Variants in CACNA1D observed in about 807,000 individuals in gnomAD.
CACNA1D encodes the protein voltage-dependent L-type calcium channel subunit alpha-1D.
Under a neutral mutation model 257.1 loss-of-function variants are expected in CACNA1D, and 55 were observed. The observed-to-expected ratio is 0.21, with a 90% confidence interval of 0.17 to 0.27. The LOEUF is 0.27. Among genes scored for constraint, CACNA1D ranks in the 10% least tolerant of loss-of-function variants. CACNA1D has a pLI of 1.00. For synonymous variants in CACNA1D, 980 were observed against 1,014.9 expected, an observed-to-expected ratio of 0.97 and a Z score of 0.65; for missense variants, 1,876 against 2,784.0, an observed-to-expected ratio of 0.67 and a Z score of 7.34.
At chr3:53,731,541 T>C (rs1255299168) in intron 17 of CACNA1D, among the ~76,000 whole-genome samples, 1 of 152,234 alleles carries the variant, frequency 6.6e-6, no homozygotes, top group Non-Finnish European at 1.5e-5. Flanking sequence ...CTCAGGGCTA[T>C]ACTGTAAAAC....
intron 44 of CACNA1D, among the ~76,000 whole-genome samples, chr3:53,804,407 C>A (rs2095551441): frequency 6.6e-6 from 1 of 152,216 alleles, no homozygotes; most frequent in South Asian, 2.1e-4. Flanking sequence ...TGCCCTCACT[C>A]CGTCTGCTGG....
chr3:53,681,610 G>A (rs572884072), intron 8 of CACNA1D, among the ~76,000 whole-genome samples: 4 of 152,226 alleles, frequency 2.6e-5, no homozygotes, highest in African/African-American at 9.6e-5. Context: ...CCAGGGTTAC[G>A]GTGGTGGGAT....
At chr3:53,777,972 A>C (rs767572874) in intron 37 of CACNA1D, among the ~76,000 whole-genome samples, 18 of 152,236 alleles carry the variant, frequency 1.2e-4, no homozygotes, top group Non-Finnish European at 2.1e-4. Flanking sequence ...CATGGATCCA[A>C]GGAGATCCTG....
intron 3 of CACNA1D, among the ~76,000 whole-genome samples, chr3:53,505,487 G>A (rs1365843779): frequency 6.6e-6 from 1 of 152,196 alleles, no homozygotes. Flanking sequence ...AGCCATGCCT[G>A]ATGCAGTGGT....
At chr3:53,615,794 A>G (rs1314542207) in intron 3 of CACNA1D, among the ~76,000 whole-genome samples, 2 of 152,202 alleles carry the variant, frequency 1.3e-5, no homozygotes, top group Admixed American at 6.5e-5. Context: ...TGGCGCTGTA[A>G]CTTGGGTCTT....
intron 38 of CACNA1D, among the ~76,000 whole-genome samples, chr3:53,780,931 C>G (rs1312520453): frequency 6.6e-6 from 1 of 152,172 alleles, no homozygotes; most frequent in Non-Finnish European, 1.5e-5. Context: ...AACCCTAGAG[C>G]CCAGGGAGAC....
At position 53,811,101 on chromosome 3, in the gene CACNA1D, T is replaced by A; in HGVS notation, c.6193-12T>A. 6.2e-7 allele frequency: 1 copy of A among 1,612,842 alleles called. No homozygotes were observed. On this transcript the variant is annotated splice_polypyrimidine_tract_variant and intron_variant, in intron 47 of 47. Coordinates refer to ENST00000350061, the MANE Select transcript of CACNA1D (RefSeq NM_001128840.3). This position sits in a 1 kb window ranked among gnomAD's most constrained non-coding sequence, Gnocchi z 4.2. ...AACACCCCCATGCCATCCATCCCTC[T>A]TTTCTGTACAGGTCCTGATATCCGA...
chr3:53,796,582 G>C (rs1238533718), intron 40 of CACNA1D, among the ~76,000 whole-genome samples: 1 of 152,174 alleles, frequency 6.6e-6, no homozygotes. Flanking sequence ...AGGTAAATGG[G>C]TGTTCATATT....
intron 8 of CACNA1D, among the ~76,000 whole-genome samples, chr3:53,697,882 C>G (rs2094586372): frequency 1.3e-5 from 2 of 152,102 alleles, no homozygotes; most frequent in African/African-American, 4.8e-5. Flanking sequence ...TCCTTATTTT[C>G]TTCATCTTGT....
At chr3:53,599,425 G>A (rs2093413715) in intron 3 of CACNA1D, among the ~76,000 whole-genome samples, 1 of 151,888 alleles carries the variant, frequency 6.6e-6, no homozygotes, top group Non-Finnish European at 1.5e-5. Flanking sequence ...TTTTATATGA[G>A]TCGCAAAGTT....
At chr3:53,508,954 T>A (rs962029294) in intron 3 of CACNA1D, among the ~76,000 whole-genome samples, 36 of 152,084 alleles carry the variant, frequency 2.4e-4, no homozygotes, top group African/African-American at 8.4e-4. Flanking sequence ...TGTCGGCGGG[T>A]GTCCCTGCCC....
chr3:53,644,526 C>G (rs147678009), intron 3 of CACNA1D, among the ~76,000 whole-genome samples: 8 of 152,146 alleles, frequency 5.3e-5, no homozygotes, highest in Non-Finnish European at 1.2e-4. Flanking sequence ...TGCTTCTGTG[C>G]GTTCAGTGTT....
chr3:53,552,015 C>G (rs1216705501), intron 3 of CACNA1D, among the ~76,000 whole-genome samples: 1 of 152,186 alleles, frequency 6.6e-6, no homozygotes, highest in African/African-American at 2.4e-5. Context: ...TGCAGAAGTA[C>G]TCTATGGCTA....
At chr3:53,677,824 A>T (rs2108443462) in intron 8 of CACNA1D, among the ~76,000 whole-genome samples, 1 of 152,340 alleles carries the variant, frequency 6.6e-6, no homozygotes, top group East Asian at 1.9e-4. Context: ...CAAGTCTTGA[A>T]TGTTTGTTCT....
chr3:53,602,970 C>G (rs116813544), intron 3 of CACNA1D, among the ~76,000 whole-genome samples: 1 of 152,188 alleles, frequency 6.6e-6, no homozygotes, highest in Non-Finnish European at 1.5e-5. Context: ...TTCTCTCCAG[C>G]GGACGAAGTT....
chr3:53,696,284 A>C (rs145867912), intron 8 of CACNA1D, among the ~76,000 whole-genome samples: 20 of 152,184 alleles, frequency 1.3e-4, no homozygotes, highest in Non-Finnish European at 2.8e-4. Flanking sequence ...CCTGGTTTTG[A>C]TCCTCATCCT....
rs2108415100 is a variant in CACNA1D at position 53,673,396 on chromosome 3, T to C, written c.1220+270T>C. 6.6e-6 allele frequency among the ~76,000 whole-genome samples: 1 copy of C among 152,312 alleles called. No individual in the cohort carries two copies. On this transcript the variant is annotated intron_variant, in intron 8 of 47. Coordinates refer to ENST00000350061, the MANE Select transcript of CACNA1D (RefSeq NM_001128840.3). This position sits in a 1 kb window ranked among gnomAD's most constrained non-coding sequence, Gnocchi z 4.1. Reference sequence around the variant, plus strand: ...AAACAATTTCCATAGCATGCCCTTTTTTTGTCTGTTCTAAAGTGAGATACA... The same window carrying C: ...AAACAATTTCCATAGCATGCCCTTTCTTTGTCTGTTCTAAAGTGAGATACA...
rs527527343 is a variant in CACNA1D at position 53,784,145 on chromosome 3, C to T, written c.4792+2478C>T. Among the ~76,000 whole-genome samples, 19 of 152,300 alleles carry T rather than the reference C, an allele frequency of 1.2e-4. 1 individual carries two copies. The highest frequency in any genetic ancestry group is 6.2e-4 in the South Asian group (3 of 4,822). ...TCACTCCCAGTGGCCCGGGGGTCTCCGCTGCCCCCTCACCATCAGTGCTGA... is the reference window on the plus strand; with the variant it reads ...TCACTCCCAGTGGCCCGGGGGTCTCTGCTGCCCCCTCACCATCAGTGCTGA... On this transcript the variant is annotated intron_variant, in intron 39 of 47. Coordinates refer to ENST00000350061, the MANE Select transcript of CACNA1D (RefSeq NM_001128840.3).
intron 44 of CACNA1D, 75 bp downstream of exon 44, chr3:53,803,647 C>A: frequency 6.8e-7 from 1 of 1,466,088 alleles, no homozygotes. Flanking sequence ...GAAGCCAGGG[C>A]CACCGGCAGC....
Sources: allele counts gnomAD v4.1 joint callset (sites outside exome capture counted in the v4.1 genomes callset), GRCh38; gene constraint gnomAD v4.1.1; non-coding constraint Gnocchi (gnomAD v3.1); transcripts MANE v1.5; gene names NCBI Gene and HGNC (gene_info 2026-07-23, HGNC 2026-07-21).